The following POU1F1 variants were observed in gnomAD, a reference collection of about 807,000 sequenced individuals.
POU1F1 encodes the protein pituitary-specific positive transcription factor 1.
In POU1F1, 23 loss-of-function variants were observed where a neutral mutation model predicts 32.3. The ratio of observed to expected loss-of-function variants is 0.71; its 90% CI spans 0.51 to 1.01. The LOEUF (loss-of-function observed/expected upper bound fraction) is 1.01, where lower values mean the gene tolerates loss of function less well. POU1F1 is among the 50% of genes least tolerant of loss of function. The probability of loss-of-function intolerance (pLI) is 0.00; values close to 1 mark genes in which losing one functional copy is unlikely to be tolerated. For synonymous variants in POU1F1, 120 were observed against 115.6 expected (o/e 1.04, Z -0.25); for missense variants, 323 against 341.6 (o/e 0.95, Z 0.43).
intron 5 of POU1F1, among the ~76,000 whole-genome samples, chr3:87,260,440 C>G (rs992415220): frequency 6.6e-6 from 1 of 152,078 alleles, no homozygotes; most frequent in African/African-American, 2.4e-5. Context: ...AAATATCTCC[C>G]CAAAATCATT....
intron 2 of POU1F1, among the ~76,000 whole-genome samples, chr3:87,266,035 T>C (rs1706613860): frequency 6.6e-6 from 1 of 150,934 alleles, no homozygotes; most frequent in Non-Finnish European, 1.5e-5. Context: ...CAAGAGTTCA[T>C]GCTACCTATA....
chr3:87,271,230 T>A (rs1263310101), intron 2 of POU1F1, among the ~76,000 whole-genome samples: 1 of 152,042 alleles, frequency 6.6e-6, no homozygotes, highest in Non-Finnish European at 1.5e-5. Flanking sequence ...GAAACTTGTA[T>A]CAGAAAGACA....
In POU1F1 at chr3:87,276,455, C is replaced by G. The variant is rs759809037; in HGVS notation, c.8G>C (p.Cys3Ser). Residue 3 changes from cysteine (C) to serine (S), a missense_variant, in exon 1 of 6, where the codon TGC (cysteine) becomes TCC (serine). Coordinates refer to ENST00000350375, the MANE Select transcript of POU1F1 (RefSeq NM_000306.4). MS[C>S]QAFTSADTFI... is the part of the protein sequence containing the mutation. ...GGTATCAGCCGAAGTAAAAGCTTGG[C>G]AACTCATTCCCACAAGAGAGTAGAA... The G allele has an allele frequency of 1.2e-5, 20 of 1,613,542 alleles. No homozygotes were observed. Among genetic ancestry groups the G allele is most frequent in the Non-Finnish European group, 1.7e-5 (20 of 1,179,778 alleles).
In POU1F1 at chr3:87,273,426, T is replaced by G; in HGVS notation, c.143-8A>C. On this transcript the variant is annotated splice_polypyrimidine_tract_variant and splice_region_variant and intron_variant, in intron 1 of 5. Coordinates refer to ENST00000350375, the MANE Select transcript of POU1F1 (RefSeq NM_000306.4). ...AATAATGAAGTCCTGTTGCTGTGTT[T>G]CCCAACGTTGTCACCGAGAAATGTG... 5 of 1,612,526 alleles carry G rather than the reference T, an allele frequency of 3.1e-6. No individual in the cohort carries two copies. The highest frequency in any genetic ancestry group is 4.2e-6 in the Non-Finnish European group (5 of 1,178,952).
chr3:87,259,762 A>AT lies in POU1F1; in HGVS notation c.*131_*132insA. ...TGTTGGTTTCTTTTTTTTAAAAAAA[A>AT]GTGGAAAAGTAAAGCTTCTGTAAAA... On this transcript the variant is annotated 3_prime_UTR_variant, in exon 6 of 6. Coordinates refer to ENST00000350375, the MANE Select transcript of POU1F1 (RefSeq NM_000306.4). 2.7e-6 allele frequency: 2 copies of AT among 729,342 alleles called. No individual in the cohort carries two copies. 45.2% of individuals were successfully genotyped at this position (729,342 alleles called of 1,614,324 possible). A position where few individuals can be genotyped will look rare whatever the true frequency, so the allele number is the denominator to read the frequency against.
chr3:87,269,111 A>G (rs965413059), intron 2 of POU1F1, among the ~76,000 whole-genome samples: 13 of 152,168 alleles, frequency 8.5e-5, no homozygotes, highest in African/African-American at 3.1e-4. Flanking sequence ...GAATATTTCC[A>G]TATATTCCCC....
At chr3:87,260,877 TTTA>T (rs1392598679) in intron 5 of POU1F1, among the ~76,000 whole-genome samples, 3 of 4,428 alleles carry the variant, frequency 6.8e-4, no homozygotes, top group Admixed American at 2.4e-3. Flanking sequence ...TTTTTTTTTA[TTTA>T]TTTATTTATT....
chr3:87,268,542 A>T (rs1407060682), intron 2 of POU1F1, among the ~76,000 whole-genome samples: 1 of 152,178 alleles, frequency 6.6e-6, no homozygotes, highest in Non-Finnish European at 1.5e-5. Flanking sequence ...CTAGCATCTG[A>T]GCCTGCATTT....
At chr3:87,269,040 G>A (rs1706678045) in intron 2 of POU1F1, among the ~76,000 whole-genome samples, 1 of 152,106 alleles carries the variant, frequency 6.6e-6, no homozygotes, top group Non-Finnish European at 1.5e-5. Context: ...AGGGGAAGCA[G>A]AGGGACATAG....
intron 2 of POU1F1, among the ~76,000 whole-genome samples, chr3:87,266,439 C>T (rs919789840): frequency 1.3e-5 from 2 of 148,690 alleles, no homozygotes; most frequent in Non-Finnish European, 3.0e-5. Context: ...ATTATTTTTT[C>T]TAAAACAAAG....
intron 2 of POU1F1, among the ~76,000 whole-genome samples, chr3:87,267,815 A>C (rs1229358724): frequency 6.6e-6 from 1 of 152,094 alleles, no homozygotes; most frequent in Non-Finnish European, 1.5e-5. Flanking sequence ...TATGTTGCCC[A>C]GGCTGGTCTC....
intron 3 of POU1F1, among the ~76,000 whole-genome samples, chr3:87,263,563 C>T (rs1034087269): frequency 6.6e-6 from 1 of 152,052 alleles, no homozygotes; most frequent in Non-Finnish European, 1.5e-5. Flanking sequence ...AGTTTGATAA[C>T]ATCTATCAAA....
intron 4 of POU1F1, 136 bp downstream of exon 4, chr3:87,261,935 A>G (rs1322669467): frequency 9.7e-7 from 1 of 1,034,492 alleles, no homozygotes; most frequent in African/African-American, 1.6e-5. Flanking sequence ...ATATAACAAA[A>G]TGTTTATTTT....
At chr3:87,262,823 A>T (rs1477887431) in intron 3 of POU1F1, among the ~76,000 whole-genome samples, 1 of 152,130 alleles carries the variant, frequency 6.6e-6, no homozygotes, top group Admixed American at 6.6e-5. Context: ...CTGTCTTCAG[A>T]CTAATGATCC....
intron 1 of POU1F1, among the ~76,000 whole-genome samples, chr3:87,273,884 G>A (rs532587203): frequency 1.3e-5 from 2 of 152,268 alleles, no homozygotes; most frequent in South Asian, 4.1e-4. Flanking sequence ...CTGTATGAAT[G>A]AATACAGAAA....
chr3:87,270,066 T>C (rs1016115334), intron 2 of POU1F1, among the ~76,000 whole-genome samples: 1 of 152,178 alleles, frequency 6.6e-6, no homozygotes, highest in Non-Finnish European at 1.5e-5. Context: ...GTTTTGTGTT[T>C]ATCTAGGAGA....
chr3:87,273,280 T>C, intron 2 of POU1F1, 67 bp downstream of exon 2: 2 of 1,471,872 alleles, frequency 1.4e-6, no homozygotes, highest in Non-Finnish European at 1.9e-6. Context: ...TCACAATTCT[T>C]TCAGGCCCAG....
chr3:87,267,538 T>C (rs1335969345), intron 2 of POU1F1, among the ~76,000 whole-genome samples: 1 of 152,174 alleles, frequency 6.6e-6, no homozygotes, highest in East Asian at 1.9e-4. Flanking sequence ...TCCACAAAAA[T>C]ATTACAATAA....
At chr3:87,274,296 AGT>A (rs1353532744) in intron 1 of POU1F1, among the ~76,000 whole-genome samples, 6 of 152,160 alleles carry the variant, frequency 3.9e-5, no homozygotes, top group African/African-American at 1.4e-4. Context: ...CAAATCATCA[AGT>A]TGATAGGGAG....
Sources: gnomAD v4.1 joint callset for allele counts (sites outside exome capture counted in the v4.1 genomes callset) on GRCh38, gnomAD v4.1.1 for gene constraint, MANE v1.5 for transcripts, NCBI Gene and HGNC (gene_info 2026-07-23, HGNC 2026-07-21) for gene names.